Variants in XKR6 observed in about 807,000 individuals in gnomAD.
The protein encoded by XKR6 is XK-related protein 6.
Under a neutral mutation model 56.7 loss-of-function variants are expected in XKR6, and 22 were observed. The ratio of observed to expected loss-of-function variants is 0.39; its 90% CI spans 0.28 to 0.55. XKR6 has a LOEUF of 0.55. Ranked by LOEUF, XKR6 falls within the 20% of genes least tolerant of loss-of-function variation. The pLI is 0.66. For synonymous variants in XKR6, 524 were observed against 387.8 expected, an observed-to-expected ratio of 1.35 and a Z score of -4.13; for missense variants, 852 against 889.0, an observed-to-expected ratio of 0.96 and a Z score of 0.53.
intron 1 of XKR6, chr8:11,114,029 C>G (rs1469027505): frequency 2.4e-6 from 1 of 418,102 alleles, no homozygotes. Context: ...ACCTTCTAGT[C>G]AGAAATCAGA....
chr8:10,925,176 G>A (rs979298797), intron 1 of XKR6, among the ~76,000 whole-genome samples: 4 of 152,320 alleles, frequency 2.6e-5, no homozygotes, highest in African/African-American at 9.6e-5. Context: ...CTCCGGGACA[G>A]GGGTGGGCTT....
intron 1 of XKR6, among the ~76,000 whole-genome samples, chr8:11,104,227 A>G (rs1798590199): frequency 6.6e-6 from 1 of 152,244 alleles, no homozygotes; most frequent in Non-Finnish European, 1.5e-5. Context: ...TGGGAAATAA[A>G]AGGACACACT....
At chr8:10,984,730 C>CTATATATATATA (rs1292575640) in intron 1 of XKR6, among the ~76,000 whole-genome samples, 123 of 63,644 alleles carry the variant, frequency 1.9e-3, no homozygotes, top group African/African-American at 6.9e-3. Context: ...CTCTCTCTCT[C>CTATATATATATA]TCTATATATA....
intron 1 of XKR6, among the ~76,000 whole-genome samples, chr8:11,077,563 C>T (rs988686000): frequency 3.9e-5 from 6 of 152,328 alleles, no homozygotes; most frequent in Admixed American, 1.3e-4. Flanking sequence ...CACTGTGCAC[C>T]AGACTGGGTC....
chr8:11,040,287 C>T (rs573473872), intron 1 of XKR6, among the ~76,000 whole-genome samples: 18 of 150,578 alleles, frequency 1.2e-4, no homozygotes, highest in African/African-American at 3.7e-4. Flanking sequence ...TCTGAGAGGC[C>T]GAAGCAGGAG....
chr8:10,922,065 G>T (rs1317271054), intron 2 of XKR6, among the ~76,000 whole-genome samples: 5 of 152,184 alleles, frequency 3.3e-5, no homozygotes, highest in South Asian at 2.1e-4. Context: ...CCCTTCCAGG[G>T]GATGCAGCCC....
At chr8:10,899,024 G>C in intron 2 of XKR6, 108 bp from the exon 3 acceptor site, 1 of 1,465,506 alleles carries the variant, frequency 6.8e-7, no homozygotes, top group South Asian at 1.4e-5. Flanking sequence ...ATCTAAAGGA[G>C]GAGGGAGAAA....
chr8:10,916,549 A>G (rs1488661574), intron 2 of XKR6, among the ~76,000 whole-genome samples: 1 of 152,208 alleles, frequency 6.6e-6, no homozygotes, highest in East Asian at 1.9e-4. Flanking sequence ...AGGCCATTCA[A>G]CTGATCAACC....
intron 1 of XKR6, among the ~76,000 whole-genome samples, chr8:11,121,138 A>G (rs1799435241): frequency 6.6e-6 from 1 of 152,210 alleles, no homozygotes; most frequent in South Asian, 2.1e-4. Context: ...TGAGGACTTC[A>G]TGTCTAAAAC....
chr8:11,166,624 G>C (rs1007162085), intron 1 of XKR6, among the ~76,000 whole-genome samples: 1 of 152,052 alleles, frequency 6.6e-6, no homozygotes, highest in African/African-American at 2.4e-5. Flanking sequence ...TCAGGCTGGA[G>C]TGCCATGGCG....
intron 1 of XKR6, among the ~76,000 whole-genome samples, chr8:11,056,021 T>A (rs1014962166): frequency 6.6e-6 from 1 of 152,148 alleles, no homozygotes; most frequent in Non-Finnish European, 1.5e-5. Flanking sequence ...TGGGTCTCGA[T>A]TCAGGATTCC....
intron 1 of XKR6, among the ~76,000 whole-genome samples, chr8:11,067,375 G>T (rs1800008851): frequency 6.6e-6 from 1 of 152,190 alleles, no homozygotes; most frequent in Admixed American, 6.5e-5. Flanking sequence ...CCACCCGGGT[G>T]ATCTCAACCC....
At chr8:11,190,224 G>GAA (rs1554482956) in intron 1 of XKR6, among the ~76,000 whole-genome samples, 185 of 109,322 alleles carry the variant, frequency 1.7e-3, no homozygotes, top group Admixed American at 3.9e-3. Context: ...AAGAAAGAAA[G>GAA]AGAAAAGAAA....
rs1202833017 is a variant in XKR6 at position 11,200,630 on chromosome 8, G to A, written c.710C>T (p.Ser237Phe). The A allele has an allele frequency of 1.3e-6, 2 of 1,552,152 alleles. No homozygotes were observed. The highest frequency in any genetic ancestry group is 1.7e-6 in the Non-Finnish European group (2 of 1,159,620). ...GATGACCGACTGCCAGATCCACACGGAGAGGCGACACAGGCGCTGCGCCCC... is the reference window on the plus strand; with the variant it reads ...GATGACCGACTGCCAGATCCACACGAAGAGGCGACACAGGCGCTGCGCCCC... ...TPGAQRLCRLSVWIWQSVIHL... is the reference protein window; with the variant it reads ...TPGAQRLCRLFVWIWQSVIHL... Residue 237 changes from serine to phenylalanine, a missense_variant, in exon 1 of 3, where the codon TCC becomes TTC. Coordinates refer to ENST00000416569, the MANE Select transcript of XKR6 (RefSeq NM_173683.4). This position sits in a 1 kb window ranked among gnomAD's most constrained non-coding sequence, Gnocchi z 6.4.
chr8:11,161,353 C>T (rs924941357), intron 1 of XKR6, among the ~76,000 whole-genome samples: 1 of 152,138 alleles, frequency 6.6e-6, no homozygotes, highest in African/African-American at 2.4e-5. Flanking sequence ...GCTATCCATA[C>T]CCTCTCTTCA....
intron 1 of XKR6, among the ~76,000 whole-genome samples, chr8:11,172,454 G>T (rs768972555): frequency 5.9e-5 from 9 of 152,104 alleles, no homozygotes; most frequent in Non-Finnish European, 1.2e-4. Flanking sequence ...GGTACATAAC[G>T]TTATATCAGT....
At chr8:11,167,522 T>C (rs1357797497) in intron 1 of XKR6, among the ~76,000 whole-genome samples, 1 of 152,082 alleles carries the variant, frequency 6.6e-6, no homozygotes, top group Non-Finnish European at 1.5e-5. Context: ...AGAGTACAAA[T>C]GAGACATGCA....
At chr8:11,076,255 A>G (rs981948633) in intron 1 of XKR6, among the ~76,000 whole-genome samples, 3 of 152,176 alleles carry the variant, frequency 2.0e-5, no homozygotes, top group Admixed American at 6.5e-5. Context: ...ATGGGTGTGG[A>G]TTTTTAGTTT....
At chr8:10,905,533 C>G (rs1053977536) in intron 2 of XKR6, among the ~76,000 whole-genome samples, 2 of 152,186 alleles carry the variant, frequency 1.3e-5, no homozygotes, top group African/African-American at 4.8e-5. Flanking sequence ...GCATGCTCAC[C>G]TAACTTGTAT....
Sources: allele counts gnomAD v4.1 joint callset (sites outside exome capture counted in the v4.1 genomes callset), GRCh38; gene constraint gnomAD v4.1.1; non-coding constraint Gnocchi (gnomAD v3.1); transcripts MANE v1.5; gene names NCBI Gene and HGNC (gene_info 2026-07-23, HGNC 2026-07-21).